Variants in SYNE3 observed in about 807,000 individuals in gnomAD.
The protein encoded by SYNE3 is spectrin repeat containing nuclear envelope family member 3, also known as nesprin-3.
Under a neutral mutation model 111.2 loss-of-function variants are expected in SYNE3, and 100 were observed. That is an observed-to-expected ratio of 0.90 (90% CI 0.77 to 1.06). The LOEUF (loss-of-function observed/expected upper bound fraction) is 1.06. Ranked by LOEUF, SYNE3 falls within the 50% of genes least tolerant of loss-of-function variation. SYNE3 has a pLI of 0.00. For missense variants in SYNE3, 1,160 were observed against 1,240.3 expected, an observed-to-expected ratio of 0.94 and a Z score of 0.97; for synonymous variants, 547 against 533.9, an observed-to-expected ratio of 1.02 and a Z score of -0.34.
chr14:95,463,895 G>A (rs1888001414), intron 4 of SYNE3, among the ~76,000 whole-genome samples: 1 of 152,270 alleles, frequency 6.6e-6, no homozygotes, highest in African/African-American at 2.4e-5. Flanking sequence ...GAGAGTAGAA[G>A]TCGTTCTTTA....
rs572053704 is a variant in SYNE3, at chr14:95,414,474, C to G, written c.*3352G>C. 1 of 152,290 alleles carries G rather than the reference C, an allele frequency of 6.6e-6. No homozygotes were observed. The highest frequency in any genetic ancestry group is 1.5e-5 in the Non-Finnish European group (1 of 68,094). The allele number at this position is 152,290 out of a possible 1,614,324, so 9.4% of individuals were successfully genotyped here. A position where few individuals can be genotyped will look rare whatever the true frequency, so the allele number is the denominator to read the frequency against. ...CACTGGGCACCTCCCAGGGTCTCCT[C>G]GCCTCGTCTGCTGTCAGTACCTGCC... On this transcript the variant is annotated 3_prime_UTR_variant, in exon 18 of 18. Transcript: ENST00000682763.
chr14:95,408,955 C>T lies in SYNE3; in HGVS notation c.*8871G>A, dbSNP rs1026528832. On this transcript the variant is annotated 3_prime_UTR_variant, in exon 18 of 18. Transcript: ENST00000682763. ...TACCTGCTCCCGTCCCCTGGGACCT[C>T]ATCCTGGTGTTGCCAGCTCCCTTCA... The T allele has an allele frequency of 2.8e-6, 1 of 358,956 alleles. No homozygotes were observed. The highest frequency in any genetic ancestry group is 2.1e-5 in the South Asian group (1 of 48,578). 22.2% of individuals were successfully genotyped at this position (358,956 alleles called of 1,614,324 possible). A position where few individuals can be genotyped will look rare whatever the true frequency, so the allele number is the denominator to read the frequency against.
At chr14:95,514,962 A>G (rs939462666) in intron 1 of SYNE3, among the ~76,000 whole-genome samples, 1 of 152,228 alleles carries the variant, frequency 6.6e-6, no homozygotes, top group African/African-American at 2.4e-5. Context: ...GCACCCGAGC[A>G]GGAGCCTTGT....
At chr14:95,462,260 C>T (rs1220290923) in intron 4 of SYNE3, among the ~76,000 whole-genome samples, 2 of 152,206 alleles carry the variant, frequency 1.3e-5, no homozygotes, top group African/African-American at 4.8e-5. Context: ...TCTAGAGAGA[C>T]AGGAAACACC....
At chr14:95,488,274 A>G (rs541507785) in intron 1 of SYNE3, among the ~76,000 whole-genome samples, 2 of 152,224 alleles carry the variant, frequency 1.3e-5, no homozygotes. Context: ...CTTTTTAGAG[A>G]GAGGGGTCTG....
intron 1 of SYNE3, among the ~76,000 whole-genome samples, chr14:95,491,790 G>T (rs141634441): frequency 2.8e-4 from 38 of 137,832 alleles, no homozygotes; most frequent in African/African-American, 1.0e-3. Flanking sequence ...AAAAAAAAAA[G>T]TGACACCATC....
At position 95,417,867 on chromosome 14, in the gene SYNE3, A is replaced by G. The variant is rs750670879; in HGVS notation, c.2887T>C (p.Phe963Leu). 1.2e-6 allele frequency: 2 copies of G among 1,614,226 alleles called. No individual in the cohort carries two copies. The highest frequency in any genetic ancestry group is 3.3e-5 in the Admixed American group (2 of 60,026). Residue 963 changes from phenylalanine (F) to leucine (L), a missense_variant, in exon 18 of 18, where the codon TTC becomes CTC. Coordinates refer to ENST00000682763, the MANE Select transcript of SYNE3 (RefSeq NM_152592.6). Reference sequence around the variant, plus strand: ...CCATTGTAGCGCAGCATGAGCGTGAAGGAGCGGGCGAAGTTGTTGGCCAGG... The same window carrying G: ...CCATTGTAGCGCAGCATGAGCGTGAGGGAGCGGGCGAAGTTGTTGGCCAGG... The part of the protein sequence containing the change: ...CTLANNFARS[F>L]TLMLRYNGPP...
intron 15 of SYNE3, among the ~76,000 whole-genome samples, chr14:95,434,535 G>A (rs1027429994): frequency 6.6e-6 from 1 of 152,076 alleles, no homozygotes; most frequent in Non-Finnish European, 1.5e-5. Flanking sequence ...CCAGTTCAAA[G>A]TCATCTTAGT....
intron 17 of SYNE3, among the ~76,000 whole-genome samples, chr14:95,423,664 T>G (rs1201434950): frequency 1.1e-4 from 9 of 78,634 alleles, no homozygotes; most frequent in African/African-American, 2.9e-4. Flanking sequence ...GATGGGGATT[T>G]GATGGGGATG....
At chr14:95,458,631 G>T (rs915155350) in intron 4 of SYNE3, among the ~76,000 whole-genome samples, 1 of 152,208 alleles carries the variant, frequency 6.6e-6, no homozygotes, top group South Asian at 2.1e-4. Context: ...TTCCTTCTGA[G>T]TTCCCAAACC....
intron 15 of SYNE3, among the ~76,000 whole-genome samples, chr14:95,435,920 G>T (rs1263432483): frequency 6.6e-6 from 1 of 152,216 alleles, no homozygotes; most frequent in African/African-American, 2.4e-5. Context: ...AGGAGGATCA[G>T]CTGGGAGGCT....
At chr14:95,456,013 A>C in intron 5 of SYNE3, 1 of 437,684 alleles carries the variant, frequency 2.3e-6, no homozygotes, top group South Asian at 8.3e-5. Flanking sequence ...ACATTTGTTT[A>C]TCTTCCTTTC....
chr14:95,510,633 C>T (rs1890688145), intron 1 of SYNE3, among the ~76,000 whole-genome samples: 1 of 152,138 alleles, frequency 6.6e-6, no homozygotes, highest in Non-Finnish European at 1.5e-5. Context: ...ACTAAAAATA[C>T]AAAAACTAGC....
intron 1 of SYNE3, among the ~76,000 whole-genome samples, chr14:95,497,139 C>T (rs770690761): frequency 1.3e-5 from 2 of 152,212 alleles, no homozygotes; most frequent in Non-Finnish European, 2.9e-5. Context: ...TGAGTCACTG[C>T]CCCAGCCCCT....
chr14:95,510,090 C>A (rs1023386966), intron 1 of SYNE3, among the ~76,000 whole-genome samples: 1 of 152,202 alleles, frequency 6.6e-6, no homozygotes, highest in African/African-American at 2.4e-5. Flanking sequence ...CTCCAGCGCC[C>A]ACACACAATC....
At chr14:95,453,356 C>A (rs1887210160) in intron 6 of SYNE3, among the ~76,000 whole-genome samples, 1 of 152,136 alleles carries the variant, frequency 6.6e-6, no homozygotes, top group Non-Finnish European at 1.5e-5. Context: ...GAACCAGGGG[C>A]AGCTCCAATT....
At chr14:95,479,705 A>G (rs574215920) in intron 1 of SYNE3, among the ~76,000 whole-genome samples, 100 of 152,316 alleles carry the variant, frequency 6.6e-4, no homozygotes, top group African/African-American at 2.2e-3. Context: ...AGCTACAGTG[A>G]GGCCAGCATG....
rs1888853780 is a variant in SYNE3 at position 95,475,803 on chromosome 14, C to G, written c.19G>C (p.Asp7His). Residue 7 changes from aspartate to histidine, a missense_variant, in exon 2 of 18, where the codon GAC (aspartate) becomes CAC (histidine). Transcript: ENST00000682763. ...TCCTCCACGCTCCTGTCAAAGTCGT[C>G]CTGGGGCTGCTGAGTCATGGCACCT... Reference protein sequence around the residue: MTQQPQDDFDRSVEDAQ... With the variant: MTQQPQHDFDRSVEDAQ... The G allele has an allele frequency of 5.7e-6, 9 of 1,573,694 alleles. No individual in the cohort carries two copies. Among genetic ancestry groups the G allele is most frequent in the Non-Finnish European group, 6.9e-6 (8 of 1,162,432 alleles).
chr14:95,450,399 A>C (rs1886999874), intron 7 of SYNE3: 1 of 381,216 alleles, frequency 2.6e-6, no homozygotes, highest in East Asian at 4.9e-5. Context: ...CATGGGCAGG[A>C]TACGGTGGCT....
Sources: allele counts gnomAD v4.1 joint callset (sites outside exome capture counted in the v4.1 genomes callset), GRCh38; gene constraint gnomAD v4.1.1; transcripts MANE v1.5; gene names NCBI Gene and HGNC (gene_info 2026-07-23, HGNC 2026-07-21).